KCNQ1: variants seen among roughly 807,000 people sequenced by gnomAD.
KCNQ1 encodes the protein potassium voltage-gated channel subfamily Q member 1.
KCNQ1 carries 49 observed loss-of-function variants against 72.4 expected under a neutral mutation model. That is an observed-to-expected ratio of 0.68 (90% CI 0.54 to 0.86). KCNQ1 has a LOEUF of 0.86. Ranked by LOEUF, KCNQ1 falls within the 40% of genes least tolerant of loss-of-function variation. The pLI, the probability that KCNQ1 is intolerant of heterozygous loss-of-function variation, is 0.00. For missense variants in KCNQ1, 790 were observed against 945.1 expected (o/e 0.84, Z 2.15); for synonymous variants, 450 against 412.6 (o/e 1.09, Z -1.10).
Position 2,654,018 on chromosome 11 carries a change from C to T in KCNQ1, c.1394-7943C>T, listed in dbSNP as rs1849797946. On this transcript the variant is annotated intron_variant, in intron 10 of 15. Coordinates refer to ENST00000155840, the MANE Select transcript of KCNQ1 (RefSeq NM_000218.3). This position sits in a 1 kb window ranked among gnomAD's most constrained non-coding sequence, Gnocchi z 6.4. ...GGTGCCAGCTGTGAATATACATTTT[C>T]ACTCCATTCCTCGCCTTGTTCCTGG... is the stretch of plus-strand genomic sequence containing the variant. 2.5e-6 allele frequency: 1 copy of T among 398,576 alleles called. No individual in the cohort carries two copies. Among genetic ancestry groups the T allele is most frequent in the Non-Finnish European group, 4.4e-6 (1 of 226,100 alleles). 24.7% of individuals were successfully genotyped at this position (398,576 alleles called of 1,614,324 possible). A position where few individuals can be genotyped will look rare whatever the true frequency, so the allele number is the denominator to read the frequency against.
intron 11 of KCNQ1, among the ~76,000 whole-genome samples, chr11:2,728,785 G>T (rs560444191): frequency 7.2e-5 from 11 of 152,288 alleles, no homozygotes; most frequent in Non-Finnish European, 1.5e-4. Flanking sequence ...GCGTCCTCCT[G>T]GTCCTGGCAG....
rs1219979511 is a variant in KCNQ1 at position 2,538,694 on chromosome 11, CTACGGTGAATCGTT to C, written c.477+10678_477+10691del. 6.6e-6 allele frequency among the ~76,000 whole-genome samples: 1 copy of C among 151,716 alleles called. No homozygotes were observed. Among genetic ancestry groups the C allele is most frequent in the African/African-American group, 2.4e-5 (1 of 41,246 alleles). On this transcript the variant is annotated intron_variant, in intron 2 of 15. Coordinates refer to ENST00000155840, the MANE Select transcript of KCNQ1 (RefSeq NM_000218.3). This position sits in a 1 kb window ranked among gnomAD's most constrained non-coding sequence, Gnocchi z 6.7. ...ACGGGGCCTTGTGTGTGGAGGGGCC[CTACGGTGAATCGTT>C]TTCTGTAACAAAGGCTTCCTCTGTG...
intron 11 of KCNQ1, among the ~76,000 whole-genome samples, chr11:2,701,309 C>T (rs906590456): frequency 1.1e-4 from 16 of 152,302 alleles, no homozygotes; most frequent in East Asian, 7.7e-4. Context: ...TCAGCAACGA[C>T]GCCCAGATGA....
rs1242111321 is a variant in KCNQ1 at position 2,647,276 on chromosome 11, T to C, written c.1394-14685T>C. The C allele has an allele frequency of 2.5e-6, 1 of 398,412 alleles. No homozygotes were observed. 24.7% of individuals were successfully genotyped at this position (398,412 alleles called of 1,614,324 possible). On this transcript the variant is annotated intron_variant, in intron 10 of 15. Transcript: ENST00000155840. The surrounding 1 kb of genome is among the most constrained non-coding windows in gnomAD (Gnocchi z 4.0). Reference sequence around the variant, plus strand: ...CCTTCTGTTAATGTGATGTATCACATTTATTGATTTGTATATGTTGAACCA... The same window carrying C: ...CCTTCTGTTAATGTGATGTATCACACTTATTGATTTGTATATGTTGAACCA...
At position 2,720,348 on chromosome 11, in the gene KCNQ1, C is replaced by T. The variant is rs75701313; in HGVS notation, c.1515-48496C>T. On this transcript the variant is annotated intron_variant, in intron 11 of 15. Transcript: ENST00000155840. This position sits in a 1 kb window ranked among gnomAD's most constrained non-coding sequence, Gnocchi z 5.1. Reference sequence around the variant, plus strand: ...TCAGGCACGTACTCCCTGGCTCAGCCGCCTTCCGGGGCCCGGCTACAGTCA... The same window carrying T: ...TCAGGCACGTACTCCCTGGCTCAGCTGCCTTCCGGGGCCCGGCTACAGTCA... Among the ~76,000 whole-genome samples, 5 of 152,164 alleles carry T rather than the reference C, an allele frequency of 3.3e-5. No homozygotes were observed. The highest frequency in any genetic ancestry group is 6.5e-5 in the Admixed American group (1 of 15,278).
At chr11:2,487,457 C>T (rs1227552703) in intron 1 of KCNQ1, among the ~76,000 whole-genome samples, 1 of 152,128 alleles carries the variant, frequency 6.6e-6, no homozygotes. Flanking sequence ...CTATAAATCA[C>T]TTTGGGTAGT....
intron 11 of KCNQ1, chr11:2,680,330 A>AT: frequency 2.5e-6 from 1 of 398,172 alleles, no homozygotes; most frequent in Non-Finnish European, 4.4e-6. Context: ...ACCTCAAAAA[A>AT]AAAGTCTTTC....
chr11:2,692,488 G>A, intron 11 of KCNQ1: 1 of 398,724 alleles, frequency 2.5e-6, no homozygotes, highest in African/African-American at 2.1e-5. Flanking sequence ...TAGTTCAGAT[G>A]CTTGGCTTCT....
rs188692212 is a variant in KCNQ1 at position 2,696,072 on chromosome 11, G to A, written c.1514+33991G>A. 235 of 398,576 alleles carry A rather than the reference G, an allele frequency of 5.9e-4. No homozygotes were observed. The highest frequency in any genetic ancestry group is 2.5e-3 in the Middle Eastern group (4 of 1,588). 24.7% of individuals were successfully genotyped at this position (398,576 alleles called of 1,614,324 possible). ...TATTATGAAAACAGTCTTGACCCTT[G>A]CCATGATGGATTTATTTAACAGAAA... On this transcript the variant is annotated intron_variant, in intron 11 of 15. Transcript: ENST00000155840.
rs1424008367 is a variant in KCNQ1 at position 2,713,018 on chromosome 11, C to G, written c.1514+50937C>G. Among the ~76,000 whole-genome samples, 5 of 152,178 alleles carry G rather than the reference C, an allele frequency of 3.3e-5. No individual in the cohort carries two copies. The highest frequency in any genetic ancestry group is 7.3e-5 in the Non-Finnish European group (5 of 68,034). On this transcript the variant is annotated intron_variant, in intron 11 of 15. Transcript: ENST00000155840. This position sits in a 1 kb window ranked among gnomAD's most constrained non-coding sequence, Gnocchi z 5.6. Reference sequence around the variant, plus strand: ...CAGAGACCTGGTAAGTATGAGGAACCACCCCTTGGCATGGGGCACCCAGAA... The same window carrying G: ...CAGAGACCTGGTAAGTATGAGGAACGACCCCTTGGCATGGGGCACCCAGAA...
intron 15 of KCNQ1, among the ~76,000 whole-genome samples, chr11:2,829,940 A>C (rs1162133880): frequency 4.2e-5 from 1 of 23,596 alleles, no homozygotes; most frequent in Non-Finnish European, 8.3e-5. Flanking sequence ...CCTGGTGGGG[A>C]GGGGGAGGGG....
intron 15 of KCNQ1, chr11:2,839,605 G>T (rs537542510): frequency 6.7e-6 from 1 of 148,892 alleles, no homozygotes; most frequent in South Asian, 2.1e-4. Context: ...CGGGCCGAGA[G>T]GAAGAGGAAG....
intron 11 of KCNQ1, among the ~76,000 whole-genome samples, chr11:2,714,849 T>G (rs1307515457): frequency 6.6e-6 from 1 of 151,782 alleles, no homozygotes; most frequent in East Asian, 1.9e-4. Flanking sequence ...GAGGTGCCTT[T>G]CAGAAAGAAT....
intron 1 of KCNQ1, among the ~76,000 whole-genome samples, chr11:2,456,587 G>C (rs954714138): frequency 6.6e-6 from 1 of 151,786 alleles, no homozygotes; most frequent in African/African-American, 2.4e-5. Context: ...AGTCTACAAA[G>C]AATTAACAAA....
At chr11:2,667,988 T>G (rs1169394652) in intron 11 of KCNQ1, 1 of 398,554 alleles carries the variant, frequency 2.5e-6, no homozygotes, top group Non-Finnish European at 4.4e-6. Context: ...TTCCTGTCAC[T>G]GACCTTGAGA....
At chr11:2,700,763 G>C (rs1030087198) in intron 11 of KCNQ1, among the ~76,000 whole-genome samples, 2 of 151,902 alleles carry the variant, frequency 1.3e-5, no homozygotes, top group African/African-American at 2.4e-5. Flanking sequence ...GGCCGGGCCC[G>C]CCCTGCCCAC....
rs959806362 is a variant in KCNQ1 at position 2,486,039 on chromosome 11, A to T, written c.386+40555A>T. Among the ~76,000 whole-genome samples the T allele has an allele frequency of 6.6e-6, 1 of 152,172 alleles. No individual in the cohort carries two copies. The highest frequency in any genetic ancestry group is 2.4e-5 in the African/African-American group (1 of 41,426). On this transcript the variant is annotated intron_variant, in intron 1 of 15. Transcript: ENST00000155840. This position sits in a 1 kb window ranked among gnomAD's most constrained non-coding sequence, Gnocchi z 5.0. ...ATATCTTTTCAACGCCCTGCTTTCA[A>T]TTCTTTTGGGTATATACCCAGAAGT...
chr11:2,667,744 G>A lies in KCNQ1; in HGVS notation c.1514+5663G>A, dbSNP rs760283571. 1.0e-5 allele frequency: 4 copies of A among 398,640 alleles called. No homozygotes were observed. The East Asian group carries it at 1.1e-4, about 11-fold the overall frequency. 24.7% of individuals were successfully genotyped at this position (398,640 alleles called of 1,614,324 possible). On this transcript the variant is annotated intron_variant, in intron 11 of 15. Coordinates refer to ENST00000155840, the MANE Select transcript of KCNQ1 (RefSeq NM_000218.3). ...GTCCCCTTAAGTGAGGGAGTGGGAT[G>A]GGGCTGGGCCTAGCGGCCCTGAAGG...
Position 2,609,614 on chromosome 11 carries a change from G to A in KCNQ1, c.1393+20760G>A, listed in dbSNP as rs138423290. ...TCTTGTACTACACATTATTGAAAGTGGAGTGTTGAAGTCTCCAACTACTAT... is the reference window on the plus strand; with the variant it reads ...TCTTGTACTACACATTATTGAAAGTAGAGTGTTGAAGTCTCCAACTACTAT... On this transcript the variant is annotated intron_variant, in intron 10 of 15. Coordinates refer to ENST00000155840, the MANE Select transcript of KCNQ1 (RefSeq NM_000218.3). The A allele has an allele frequency of 3.3e-3, 1,299 of 398,330 alleles. 15 individuals are homozygous for A. Among genetic ancestry groups the A allele is most frequent in the African/African-American group, 0.024 (1,186 of 48,726 alleles). 24.7% of individuals were successfully genotyped at this position (398,330 alleles called of 1,614,324 possible).
Sources: allele counts gnomAD v4.1 joint callset (sites outside exome capture counted in the v4.1 genomes callset), GRCh38; gene constraint gnomAD v4.1.1; non-coding constraint Gnocchi (gnomAD v3.1); transcripts MANE v1.5; gene names NCBI Gene and HGNC (gene_info 2026-07-23, HGNC 2026-07-21).